The following FHIT variants were observed in gnomAD, a reference collection of about 807,000 sequenced individuals.
FHIT encodes the protein bis(5'-adenosyl)-triphosphatase.
FHIT carries 19 observed loss-of-function variants against 17.9 expected under a neutral mutation model. That is an observed-to-expected ratio of 1.06 (90% CI 0.74 to 1.56). The LOEUF is 1.56. Among genes scored for constraint, FHIT ranks in the 40% most tolerant of loss-of-function variants. The pLI, the probability that FHIT is intolerant of heterozygous loss-of-function variation, is 0.00. For missense variants in FHIT, 248 were observed against 189.2 expected (o/e 1.31, Z -1.82); for synonymous variants, 81 against 69.7 (o/e 1.16, Z -0.81).
At chr3:60,642,737 G>C (rs74809729) in intron 4 of FHIT, among the ~76,000 whole-genome samples, 2,657 of 151,856 alleles carry the variant, frequency 0.017, 84 homozygotes, top group African/African-American at 0.06. Flanking sequence ...CACCTCCCCC[G>C]CTCCAGGGGT....
intron 2 of FHIT, among the ~76,000 whole-genome samples, chr3:61,185,351 C>T (rs1467016628): frequency 6.6e-6 from 1 of 152,168 alleles, no homozygotes; most frequent in African/African-American, 2.4e-5. Flanking sequence ...CTGAGCCAAC[C>T]TCCTTGCAAA....
intron 5 of FHIT, among the ~76,000 whole-genome samples, chr3:60,337,799 G>T (rs1710314915): frequency 1.3e-5 from 2 of 152,174 alleles, no homozygotes; most frequent in African/African-American, 2.4e-5. Context: ...CCCAGAGATG[G>T]CAGAGAAAGA....
intron 5 of FHIT, among the ~76,000 whole-genome samples, chr3:60,321,056 G>T (rs545681345): frequency 6.6e-6 from 1 of 152,188 alleles, no homozygotes; most frequent in African/African-American, 2.4e-5. Flanking sequence ...TGTGATCACA[G>T]ATACCGAAAA....
rs559353207 is a variant in FHIT, at chr3:61,230,079, T to G, written c.-213+21222A>C. Among the ~76,000 whole-genome samples, 78 of 152,352 alleles carry G rather than the reference T, an allele frequency of 5.1e-4. 2 individuals are homozygous for G. The highest frequency in any genetic ancestry group is 1.8e-3 in the African/African-American group (76 of 41,590). On this transcript the variant is annotated intron_variant, in intron 1 of 9. Transcript: ENST00000492590. ...TACCTTGTTGTCTTTAGCTATAAAA[T>G]AAGCATATTCTGATCATGTCTTAGT...
At chr3:60,821,837 A>G (rs1303326049) in intron 4 of FHIT, 82 bp downstream of exon 4, 5 of 152,180 alleles carry the variant, frequency 3.3e-5, no homozygotes, top group Admixed American at 6.5e-5. Flanking sequence ...ACATAGGAAC[A>G]TTACTACTAT....
intron 5 of FHIT, among the ~76,000 whole-genome samples, chr3:60,315,306 A>G (rs1022787588): frequency 1.3e-5 from 2 of 152,194 alleles, no homozygotes; most frequent in Non-Finnish European, 2.9e-5. Flanking sequence ...GCCAGAACAT[A>G]CAATAAAATG....
At chr3:60,215,176 A>C (rs1373251353) in intron 5 of FHIT, among the ~76,000 whole-genome samples, 1 of 152,070 alleles carries the variant, frequency 6.6e-6, no homozygotes, top group Admixed American at 6.6e-5. Context: ...AAAATAAAAT[A>C]AGATAAAAGT....
chr3:60,847,935 A>G (rs1230546771), intron 3 of FHIT, among the ~76,000 whole-genome samples: 1 of 152,150 alleles, frequency 6.6e-6, no homozygotes, highest in Non-Finnish European at 1.5e-5. Context: ...ATGTAGAGAG[A>G]ATATGTTACT....
intron 2 of FHIT, among the ~76,000 whole-genome samples, chr3:61,062,173 A>G (rs1230393282): frequency 6.6e-6 from 1 of 152,138 alleles, no homozygotes; most frequent in Non-Finnish European, 1.5e-5. Flanking sequence ...ATAGTTCCAA[A>G]CTTCCCAATC....
intron 7 of FHIT, among the ~76,000 whole-genome samples, chr3:59,958,869 AGTG>A (rs1218614083): frequency 2.0e-5 from 3 of 151,926 alleles, no homozygotes; most frequent in Non-Finnish European, 2.9e-5. Context: ...TCTTATATAA[AGTG>A]GTCAGGCTCA....
At chr3:60,237,864 G>A (rs183225026) in intron 5 of FHIT, among the ~76,000 whole-genome samples, 17 of 152,226 alleles carry the variant, frequency 1.1e-4, no homozygotes, top group East Asian at 3.9e-4. Flanking sequence ...GGCCGGGCAT[G>A]GTGGCTTATG....
chr3:60,601,615 A>G (rs2038447783), intron 4 of FHIT, among the ~76,000 whole-genome samples: 1 of 152,184 alleles, frequency 6.6e-6, no homozygotes, highest in Non-Finnish European at 1.5e-5. Flanking sequence ...AGCAGGATAA[A>G]AATAAAAGGC....
intron 5 of FHIT, among the ~76,000 whole-genome samples, chr3:60,030,303 T>G (rs78731679): frequency 0.027 from 4,100 of 152,290 alleles, 191 homozygotes; most frequent in African/African-American, 0.093. Context: ...AAAAACAGAA[T>G]GCAGCTATAG....
chr3:60,089,427 G>A (rs543727491), intron 5 of FHIT, among the ~76,000 whole-genome samples: 16 of 152,234 alleles, frequency 1.1e-4, no homozygotes, highest in African/African-American at 3.6e-4. Flanking sequence ...GCACAGAGTA[G>A]ATGAAGCTCA....
chr3:59,778,609 T>G (rs951134313), intron 8 of FHIT, among the ~76,000 whole-genome samples: 1 of 152,194 alleles, frequency 6.6e-6, no homozygotes, highest in African/African-American at 2.4e-5. Flanking sequence ...GACTTGGCTG[T>G]GTTCCGATAA....
At chr3:60,137,473 T>C (rs771539028) in intron 5 of FHIT, among the ~76,000 whole-genome samples, 1 of 152,172 alleles carries the variant, frequency 6.6e-6, no homozygotes, top group Non-Finnish European at 1.5e-5. Flanking sequence ...CTTACATCTG[T>C]GATTCTCCCT....
At chr3:60,904,747 C>T (rs1031687220) in intron 3 of FHIT, among the ~76,000 whole-genome samples, 5 of 151,784 alleles carry the variant, frequency 3.3e-5, no homozygotes, top group Non-Finnish European at 5.9e-5. Context: ...CAAGACCAGC[C>T]TGGCCAAGAT....
intron 7 of FHIT, among the ~76,000 whole-genome samples, chr3:59,963,251 A>T (rs1440075558): frequency 6.6e-6 from 1 of 151,954 alleles, no homozygotes; most frequent in African/African-American, 2.4e-5. Context: ...TGGGTGACAG[A>T]GCGAGACTCC....
intron 2 of FHIT, among the ~76,000 whole-genome samples, chr3:61,182,395 A>G (rs1478409759): frequency 6.6e-6 from 1 of 152,186 alleles, no homozygotes. Context: ...CTTTAAATCA[A>G]CTCAATTCTG....
Sources: allele counts gnomAD v4.1 joint callset (sites outside exome capture counted in the v4.1 genomes callset), GRCh38; gene constraint gnomAD v4.1.1; transcripts MANE v1.5; gene names NCBI Gene and HGNC (gene_info 2026-07-23, HGNC 2026-07-21).